The following RGPD3 variants were observed in gnomAD, a reference collection of about 807,000 sequenced individuals.
The protein encoded by RGPD3 is RANBP2 like and GRIP domain containing 3.
In RGPD3, 62 loss-of-function variants were observed where a neutral mutation model predicts 154.5. That is an observed-to-expected ratio of 0.40 (90% CI 0.33 to 0.50). The LOEUF (loss-of-function observed/expected upper bound fraction) is 0.50. RGPD3 is among the 20% of genes least tolerant of loss of function. The pLI, the probability that RGPD3 is intolerant of heterozygous loss-of-function variation, is 0.59. For missense variants in RGPD3, 919 were observed against 1,716.8 expected, an observed-to-expected ratio of 0.54 and a Z score of 8.21; for synonymous variants, 308 against 607.0, an observed-to-expected ratio of 0.51 and a Z score of 7.24.
chr2:106,446,897 T>C (rs1677956429), intron 7 of RGPD3, among the ~76,000 whole-genome samples: 1 of 148,220 alleles, frequency 6.7e-6, no homozygotes, highest in Admixed American at 6.7e-5. Context: ...AATAAAAAAA[T>C]AAAAAATAAG....
chr2:106,412,649 C>G (rs1676711817), intron 22 of RGPD3: 1 of 351,840 alleles, frequency 2.8e-6, no homozygotes, highest in African/African-American at 2.1e-5. Flanking sequence ...AGAAAGTGGA[C>G]TGCTGTATAT....
chr2:106,407,218 T>C (rs2104439043), intron 22 of RGPD3, among the ~76,000 whole-genome samples: 1 of 151,716 alleles, frequency 6.6e-6, no homozygotes, highest in Non-Finnish European at 1.5e-5. Context: ...TTCAACAAAG[T>C]GTGCAAGCAG....
chr2:106,428,653 G>T lies in RGPD3; in HGVS notation c.2605+993C>A, dbSNP rs1030374132. On this transcript the variant is annotated intron_variant, in intron 18 of 22. Transcript: ENST00000409886. ...CACACAAATGTGCTCATCTAAACCA[G>T]ATTTTATTCTAAATCTTTCCTGGGC... Among the ~76,000 whole-genome samples, 50 of 151,922 alleles carry T rather than the reference G, an allele frequency of 3.3e-4. 1 individual carries two copies. Among genetic ancestry groups the T allele is most frequent in the Non-Finnish European group, 2.9e-5 (2 of 67,990 alleles).
At chr2:106,410,971 C>A (rs1676652874) in intron 22 of RGPD3, among the ~76,000 whole-genome samples, 1 of 151,026 alleles carries the variant, frequency 6.6e-6, no homozygotes, top group Admixed American at 6.6e-5. Flanking sequence ...AAACCAGATT[C>A]AAAGAAACTA....
In RGPD3 at chr2:106,434,380, C is replaced by G; in HGVS notation, c.2059-6G>C. On this transcript the variant is annotated splice_polypyrimidine_tract_variant and splice_region_variant and intron_variant, in intron 14 of 22. Transcript: ENST00000409886. ...TCTGCCTTCCTGTGAAAAATCTATA[C>G]AAATAGTGCTTTTATGAAATCATTA... 3 of 1,611,530 alleles carry G rather than the reference C, an allele frequency of 1.9e-6. No homozygotes were observed. Among genetic ancestry groups the G allele is most frequent in the Non-Finnish European group, 2.5e-6 (3 of 1,179,666 alleles).
chr2:106,449,653 A>G (rs28862905), intron 6 of RGPD3, among the ~76,000 whole-genome samples: 381 of 149,968 alleles, frequency 2.5e-3, no homozygotes, highest in African/African-American at 6.4e-3. Flanking sequence ...CAAGGCAGGC[A>G]GATCACGATG....
intron 1 of RGPD3, among the ~76,000 whole-genome samples, chr2:106,464,060 A>G (rs1678484083): frequency 6.6e-6 from 1 of 152,252 alleles, no homozygotes; most frequent in Non-Finnish European, 1.5e-5. Flanking sequence ...AATGTCTAAA[A>G]TGGGGCCCGG....
At chr2:106,462,208 A>G in intron 1 of RGPD3, among the ~76,000 whole-genome samples, 1 of 151,980 alleles carries the variant, frequency 6.6e-6, no homozygotes, top group Non-Finnish European at 1.5e-5. Context: ...ATGAAGAAAT[A>G]GATTCAAGGT....
intron 20 of RGPD3, 150 bp downstream of exon 20, chr2:106,422,893 A>C (rs1269394849): frequency 3.2e-6 from 5 of 1,545,018 alleles, no homozygotes; most frequent in Non-Finnish European, 4.4e-6. Context: ...CCATGAACTT[A>C]TTAAGGGAGA....
chr2:106,459,069 T>G (rs1357604424), intron 2 of RGPD3, among the ~76,000 whole-genome samples, 196 bp downstream of exon 2: 2 of 147,318 alleles, frequency 1.4e-5, no homozygotes, highest in African/African-American at 2.5e-5. Flanking sequence ...AGCAGCAGCA[T>G]GCAGAAAACA....
chr2:106,421,130 G>C (rs1676972843), intron 20 of RGPD3, among the ~76,000 whole-genome samples: 1 of 152,058 alleles, frequency 6.6e-6, no homozygotes, highest in Non-Finnish European at 1.5e-5. Context: ...TTCCACTTCT[G>C]GTATTACTCA....
chr2:106,424,657 G>T lies in RGPD3; in HGVS notation c.3310C>A (p.Gln1104Lys), dbSNP rs775741965. ...TGATTAGCACACACTTTTAGTACTTGTTCTCTTTGCATCAGCATTCTTACT... is the reference window on the plus strand; with the variant it reads ...TGATTAGCACACACTTTTAGTACTTTTTCTCTTTGCATCAGCATTCTTACT... ...GKVRMLMQRE[Q>K]VLKVCANHWI... is the part of the protein sequence containing the mutation. The change falls in exon 20 of 23, where the codon CAA becomes AAA. Residue 1104 changes from glutamine to lysine, a missense_variant. Coordinates refer to ENST00000409886, the MANE Select transcript of RGPD3 (RefSeq NM_001144013.2). The T allele has an allele frequency of 6.2e-6, 10 of 1,611,852 alleles. No homozygotes were observed. The highest frequency in any genetic ancestry group is 2.2e-4 in the Middle Eastern group (1 of 4,452).
At position 106,424,686 on chromosome 2, in the gene RGPD3, C is replaced by T. The variant is rs1196691035; in HGVS notation, c.3281G>A (p.Gly1094Asp). 3 of 1,611,968 alleles carry T rather than the reference C, an allele frequency of 1.9e-6. No homozygotes were observed. The highest frequency in any genetic ancestry group is 1.7e-6 in the Non-Finnish European group (2 of 1,179,842). Residue 1094 changes from glycine (G) to aspartate (D), a missense_variant, in exon 20 of 23, where the codon GGC becomes GAC. Gly to Asp is a moderately conservative substitution (Grantham distance 94, BLOSUM62 -1). Coordinates refer to ENST00000409886, the MANE Select transcript of RGPD3 (RefSeq NM_001144013.2). ...NLKILKNEVN[G>D]KVRMLMQREQ... ...TCTTTGCATCAGCATTCTTACTTTG[C>T]CATTGACCTCGTTTTTGAGAATTTT...
chr2:106,465,937 C>G (rs955242605), intron 1 of RGPD3, among the ~76,000 whole-genome samples: 2 of 151,940 alleles, frequency 1.3e-5, no homozygotes, highest in African/African-American at 4.8e-5. Context: ...TGTCACTCGA[C>G]GCAGCCGCCA....
At chr2:106,470,446 C>G (rs998741659), upstream of RGPD3, among the ~76,000 whole-genome samples, 2 of 152,202 alleles carry the variant, frequency 1.3e-5, no homozygotes, top group African/African-American at 2.4e-5. Context: ...GCCATGTCCT[C>G]CCATTGGATG....
intron 20 of RGPD3, among the ~76,000 whole-genome samples, chr2:106,418,664 T>G (rs968310911): frequency 6.6e-6 from 1 of 150,606 alleles, no homozygotes; most frequent in Non-Finnish European, 1.5e-5. Context: ...CCTCCCAGGC[T>G]CAAGCCATCC....
intron 22 of RGPD3, among the ~76,000 whole-genome samples, chr2:106,412,300 T>G (rs1251135716): frequency 4.6e-4 from 21 of 45,898 alleles, no homozygotes; most frequent in Admixed American, 1.3e-3. Flanking sequence ...ATAGTTTTTT[T>G]TTTTTTTTTT....
At chr2:106,419,706 CA>C (rs1372237314) in intron 20 of RGPD3, among the ~76,000 whole-genome samples, 2 of 149,332 alleles carry the variant, frequency 1.3e-5, no homozygotes, top group African/African-American at 2.5e-5. Context: ...TAACACCAGT[CA>C]AAAAAATTGA....
rs1309264900 is a variant in RGPD3 at position 106,413,072 on chromosome 2, C to T, written c.5266+12G>A. 10 of 1,610,002 alleles carry T rather than the reference C, an allele frequency of 6.2e-6. No individual in the cohort carries two copies. The highest frequency in any genetic ancestry group is 6.8e-6 in the Non-Finnish European group (8 of 1,179,470). On this transcript the variant is annotated intron_variant, in intron 22 of 22. Coordinates refer to ENST00000409886, the MANE Select transcript of RGPD3 (RefSeq NM_001144013.2). ...TAGAAGTCAGAAGTTCTGAGACTCT[C>T]CTTTTACCCACCTTGAGCAACCGCA... is the stretch of plus-strand genomic sequence containing the variant.
Sources: allele counts gnomAD v4.1 joint callset (sites outside exome capture counted in the v4.1 genomes callset), GRCh38; gene constraint gnomAD v4.1.1; transcripts MANE v1.5; gene names NCBI Gene and HGNC (gene_info 2026-07-23, HGNC 2026-07-21).